Variants in TPD52L1 observed in about 807,000 individuals in gnomAD.
TPD52L1 encodes the protein TPD52 like 1, also known as tumor protein D53.
Under a neutral mutation model 28.7 loss-of-function variants are expected in TPD52L1, and 18 were observed. The observed-to-expected ratio is 0.63, with a 90% confidence interval of 0.43 to 0.93. The LOEUF (loss-of-function observed/expected upper bound fraction) is 0.93. TPD52L1 is among the 40% of genes least tolerant of loss of function. TPD52L1 has a pLI of 0.00. For missense variants in TPD52L1, 203 were observed against 254.8 expected (o/e 0.80, Z 1.39); for synonymous variants, 75 against 88.8 (o/e 0.84, Z 0.88).
chr6:125,222,202 A>G (rs567819719), intron 2 of TPD52L1, among the ~76,000 whole-genome samples: 5 of 152,322 alleles, frequency 3.3e-5, no homozygotes, highest in East Asian at 1.9e-4. Flanking sequence ...CTAGGATTCA[A>G]TTTTAACAAG....
At chr6:125,187,793 C>G (rs1792740142) in intron 1 of TPD52L1, among the ~76,000 whole-genome samples, 1 of 152,178 alleles carries the variant, frequency 6.6e-6, no homozygotes, top group Non-Finnish European at 1.5e-5. Flanking sequence ...TACACACACA[C>G]ATTGCCAAAG....
At chr6:125,185,701 A>G (rs931831774) in intron 1 of TPD52L1, among the ~76,000 whole-genome samples, 1 of 152,148 alleles carries the variant, frequency 6.6e-6, no homozygotes, top group African/African-American at 2.4e-5. Context: ...GCAGAGATTA[A>G]TGAAATGGAA....
intron 1 of TPD52L1, among the ~76,000 whole-genome samples, chr6:125,176,000 G>C (rs1348102644): frequency 6.6e-6 from 1 of 152,188 alleles, no homozygotes; most frequent in Non-Finnish European, 1.5e-5. Flanking sequence ...TACTAGAAGA[G>C]ATGAAAGGGG....
chr6:125,253,586 T>C (rs1797408498), intron 4 of TPD52L1, 131 bp from the exon 5 acceptor site: 2 of 809,496 alleles, frequency 2.5e-6, no homozygotes. Flanking sequence ...GTCATCTTGG[T>C]TAGATGGGCA....
intron 4 of TPD52L1, chr6:125,251,972 T>A (rs1200012543): frequency 6.5e-7 from 1 of 1,534,336 alleles, no homozygotes; most frequent in African/African-American, 1.4e-5. Flanking sequence ...CTCTGCCTCC[T>A]GTTTGCTAAC....
chr6:125,169,772 C>A (rs930466106), intron 1 of TPD52L1, among the ~76,000 whole-genome samples: 1 of 152,074 alleles, frequency 6.6e-6, no homozygotes, highest in Non-Finnish European at 1.5e-5. Flanking sequence ...ACATAGTAAC[C>A]AGAGTGATCC....
intron 1 of TPD52L1, among the ~76,000 whole-genome samples, chr6:125,208,036 C>T (rs1381244880): frequency 6.6e-6 from 1 of 152,176 alleles, no homozygotes; most frequent in Non-Finnish European, 1.5e-5. Context: ...CGAGAAAGTT[C>T]CTGCAGTGGT....
At chr6:125,228,226 G>A (rs1161761704) in intron 2 of TPD52L1, among the ~76,000 whole-genome samples, 1 of 152,158 alleles carries the variant, frequency 6.6e-6, no homozygotes, top group Admixed American at 6.6e-5. Flanking sequence ...GGAAAGGAAA[G>A]AAGAGGGAGG....
At chr6:125,173,649 AAT>A (rs915837506) in intron 1 of TPD52L1, among the ~76,000 whole-genome samples, 2 of 151,968 alleles carry the variant, frequency 1.3e-5, no homozygotes, top group African/African-American at 4.8e-5. Context: ...ATGCTTTTTA[AAT>A]ATATATATAT....
At chr6:125,196,843 A>C (rs990030037) in intron 1 of TPD52L1, among the ~76,000 whole-genome samples, 1 of 152,210 alleles carries the variant, frequency 6.6e-6, no homozygotes, top group Non-Finnish European at 1.5e-5. Context: ...AATCTTGCTC[A>C]GAGCCAATTA....
intron 1 of TPD52L1, among the ~76,000 whole-genome samples, chr6:125,205,816 A>G (rs1463847996): frequency 6.6e-6 from 1 of 152,176 alleles, no homozygotes; most frequent in Non-Finnish European, 1.5e-5. Flanking sequence ...CCTTGTACAT[A>G]TGGAAGAATG....
intron 5 of TPD52L1, among the ~76,000 whole-genome samples, chr6:125,256,856 A>G (rs117749811): frequency 3.3e-5 from 5 of 152,380 alleles, no homozygotes; most frequent in Non-Finnish European, 5.9e-5. Flanking sequence ...GCCAAATACC[A>G]TATTATTTAC....
At chr6:125,190,158 T>C (rs1792938868) in intron 1 of TPD52L1, among the ~76,000 whole-genome samples, 1 of 152,230 alleles carries the variant, frequency 6.6e-6, no homozygotes, top group Non-Finnish European at 1.5e-5. Context: ...CTGTGAACTA[T>C]ATTGATCATA....
intron 1 of TPD52L1, among the ~76,000 whole-genome samples, chr6:125,207,069 T>C (rs552110214): frequency 6.6e-6 from 1 of 152,334 alleles, no homozygotes; most frequent in African/African-American, 2.4e-5. Context: ...GTTTTTGTCT[T>C]AGGGGATTAA....
chr6:125,232,161 A>T (rs1795992988), intron 3 of TPD52L1, among the ~76,000 whole-genome samples: 1 of 152,198 alleles, frequency 6.6e-6, no homozygotes, highest in South Asian at 2.1e-4. Flanking sequence ...AGATGACTAG[A>T]TGAGATTTCC....
intron 1 of TPD52L1, among the ~76,000 whole-genome samples, chr6:125,193,836 G>C (rs890072191): frequency 1.3e-5 from 2 of 152,062 alleles, no homozygotes; most frequent in Non-Finnish European, 2.9e-5. Context: ...CAACTGCTAG[G>C]AGCCTTGCAG....
chr6:125,251,040 T>C (rs1314184882), intron 4 of TPD52L1, among the ~76,000 whole-genome samples: 1 of 152,220 alleles, frequency 6.6e-6, no homozygotes, highest in Non-Finnish European at 1.5e-5. Context: ...CAACAAGTTT[T>C]ACAAAGATTT....
At chr6:125,229,058 GTAAGTATCCTT>G in intron 2 of TPD52L1, 49 bp from the exon 3 acceptor site, 1 of 1,569,392 alleles carries the variant, frequency 6.4e-7, no homozygotes. Flanking sequence ...CAGAGCTTCT[GTAAGTATCCTT>G]TTTTGCTGGT....
Position 125,237,358 on chromosome 6 carries a change from G to A in TPD52L1, c.284+8092G>A, listed in dbSNP as rs60675500. On this transcript the variant is annotated intron_variant, in intron 3 of 6. Transcript: ENST00000534000. ...TGATGGCGGCTTGAACTAAGGTGGA[G>A]AGTAGTGGAAGCAGTGAGAAAGTAG... 4.4e-3 allele frequency among the ~76,000 whole-genome samples: 671 copies of A among 152,286 alleles called. 3 individuals carry two copies. The highest frequency in any genetic ancestry group is 0.016 in the African/African-American group (649 of 41,572).
Sources: allele counts gnomAD v4.1 joint callset (sites outside exome capture counted in the v4.1 genomes callset), GRCh38; gene constraint gnomAD v4.1.1; transcripts MANE v1.5; gene names NCBI Gene and HGNC (gene_info 2026-07-23, HGNC 2026-07-21).